Variants in EEF1A1 observed in about 807,000 individuals in gnomAD.
EEF1A1 encodes the protein elongation factor 1-alpha 1.
EEF1A1 carries 1 observed loss-of-function variant against 38.5 expected under a neutral mutation model. The ratio of observed to expected loss-of-function variants is 0.03; its 90% CI spans 0.01 to 0.12. The LOEUF (loss-of-function observed/expected upper bound fraction) is 0.12, where lower values mean the gene tolerates loss of function less well. Among genes scored for constraint, EEF1A1 ranks in the 10% least tolerant of loss-of-function variants. EEF1A1 has a pLI of 1.00. For missense variants in EEF1A1, 184 were observed against 588.3 expected (o/e 0.31, Z 7.11); for synonymous variants, 229 against 203.7 (o/e 1.12, Z -1.06).
chr6:73,519,585 G>A (rs1041440453), intron 2 of EEF1A1, 69 bp from the exon 3 acceptor site: 10 of 1,478,284 alleles, frequency 6.8e-6, no homozygotes, highest in South Asian at 1.3e-5. Flanking sequence ...CTTGTCCCCA[G>A]CCCTTAATTG....
At chr6:73,520,090 C>G in intron 1 of EEF1A1, 34 bp from the exon 2 acceptor site, 1 of 1,550,562 alleles carries the variant, frequency 6.4e-7, no homozygotes, top group Non-Finnish European at 8.6e-7. Flanking sequence ...GAACCACTGT[C>G]TGAGGCTTGA....
In EEF1A1 at chr6:73,519,017, T is replaced by C. The variant is rs754013401; in HGVS notation, c.536A>G (p.Lys179Arg). ...TGTGTCGGGGTTGTAGCCAATTTTC[T>C]TAATGTAAGTGCTGACTTCCTTAAC... is the stretch of plus-strand genomic sequence containing the variant. ...EIVKEVSTYI[K>R]KIGYNPDTVA... is the part of the protein sequence containing the mutation. Residue 179 changes from lysine (K) to arginine (R), a missense_variant, in exon 4 of 8, where the codon AAG becomes AGG. By Grantham distance (26) the Lys-to-Arg change is conservative. This residue lies in a region of EEF1A1 where 57 missense variants were observed against 228.1 expected (regional missense o/e 0.25). Transcript: ENST00000309268. The C allele has an allele frequency of 6.9e-6, 11 of 1,605,664 alleles. No individual in the cohort carries two copies. Among genetic ancestry groups the C allele is most frequent in the Non-Finnish European group, 9.4e-6 (11 of 1,174,616 alleles).
At position 73,519,864 on chromosome 6, in the gene EEF1A1, T is replaced by C. The variant is rs761879548; in HGVS notation, c.144+19A>G. On this transcript the variant is annotated intron_variant, in intron 2 of 7. Coordinates refer to ENST00000309268, the MANE Select transcript of EEF1A1 (RefSeq NM_001402.6). ...AAACTCATTTTAGTTGATCTTTCCC[T>C]TTCTGGTATTAAACATACCTCAGCA... The C allele has an allele frequency of 1.9e-6, 3 of 1,612,232 alleles. No individual in the cohort carries two copies. The highest frequency in any genetic ancestry group is 2.5e-6 in the Non-Finnish European group (3 of 1,179,666).
intron 2 of EEF1A1, 45 bp downstream of exon 2, chr6:73,519,838 A>G (rs1561963438): frequency 1.1e-5 from 18 of 1,609,690 alleles, no homozygotes; most frequent in Non-Finnish European, 1.4e-5. Context: ...TTCTGCTGGT[A>G]AAACTCATTT....
chr6:73,520,529 G>C (rs550547029), intron 1 of EEF1A1: 1 of 152,990 alleles, frequency 6.5e-6, no homozygotes, highest in African/African-American at 2.4e-5. Context: ...AGGCCGGCCA[G>C]CTTGAGACTA....
At position 73,520,041 on chromosome 6, in the gene EEF1A1, G is replaced by C; in HGVS notation, c.-15C>G. ...TCCTTTCCCATTTTGGCTTTTAGGG[G>C]TAGTTTTCACGACACCTGAAATGGA... On this transcript the variant is annotated 5_prime_UTR_variant, in exon 2 of 8. Coordinates refer to ENST00000309268, the MANE Select transcript of EEF1A1 (RefSeq NM_001402.6). 6.3e-7 allele frequency: 1 copy of C among 1,587,952 alleles called. No homozygotes were observed. The highest frequency in any genetic ancestry group is 1.8e-5 in the Admixed American group (1 of 57,128).
At position 73,515,971 on chromosome 6, in the gene EEF1A1, G is replaced by A. The variant is rs548244542; in HGVS notation, c.*1839C>T. On this transcript the variant is annotated 3_prime_UTR_variant, in exon 8 of 8. Transcript: ENST00000309268. ...GAATTCTCTACTGGTAAATCTTACAGGTGTCAACTTTCATTATCAGGGCAT... is the reference window on the plus strand; with the variant it reads ...GAATTCTCTACTGGTAAATCTTACAAGTGTCAACTTTCATTATCAGGGCAT... 6.6e-6 allele frequency: 1 copy of A among 152,262 alleles called. No homozygotes were observed. Among genetic ancestry groups the A allele is most frequent in the African/African-American group, 2.4e-5 (1 of 41,522 alleles). 9.4% of individuals were successfully genotyped at this position (152,262 alleles called of 1,614,324 possible).
chr6:73,519,805 G>A (rs1765607255), intron 2 of EEF1A1, 78 bp downstream of exon 2: 1 of 1,587,816 alleles, frequency 6.3e-7, no homozygotes, highest in Admixed American at 1.7e-5. Context: ...CCACTCACTA[G>A]TTCTGGGGAA....
At position 73,518,628 on chromosome 6, in the gene EEF1A1, A is replaced by AT; in HGVS notation, c.773-19dup. The AT allele has an allele frequency of 6.2e-7, 1 of 1,613,090 alleles. No individual in the cohort carries two copies. The highest frequency in any genetic ancestry group is 1.3e-5 in the African/African-American group (1 of 74,988). ...ACCAATACCTAAAAATATTTACAGC[A>AT]TACTAAATACCTATGAAGGCAGACA... On this transcript the variant is annotated intron_variant, in intron 5 of 7. Coordinates refer to ENST00000309268, the MANE Select transcript of EEF1A1 (RefSeq NM_001402.6).
In EEF1A1 at chr6:73,518,283, A is replaced by T. The variant is rs1874229; in HGVS notation, c.1030-19T>A. On this transcript the variant is annotated intron_variant, in intron 6 of 7. Coordinates refer to ENST00000309268, the MANE Select transcript of EEF1A1 (RefSeq NM_001402.6). Reference sequence around the variant, plus strand: ...TAATCACCTTGGAAAAAAGATTTGCATTCAGTGCAAATCCAAAGTCTCAAA... The same window carrying T: ...TAATCACCTTGGAAAAAAGATTTGCTTTCAGTGCAAATCCAAAGTCTCAAA... 1.2e-6 allele frequency: 2 copies of T among 1,612,684 alleles called. No individual in the cohort carries two copies. Among genetic ancestry groups the T allele is most frequent in the South Asian group, 2.2e-5 (2 of 91,068 alleles).
Position 73,518,546 on chromosome 6 carries a change from G to A in EEF1A1, c.837C>T (p.Thr279=). 1 of 1,613,932 alleles carries A rather than the reference G, an allele frequency of 6.2e-7. No homozygotes were observed. The highest frequency in any genetic ancestry group is 8.5e-7 in the Non-Finnish European group (1 of 1,179,846). The change falls in exon 6 of 8, where the codon ACC becomes ACT. Residue 279 remains threonine (T), a synonymous_variant. Coordinates refer to ENST00000309268, the MANE Select transcript of EEF1A1 (RefSeq NM_001402.6). Reference sequence around the variant, plus strand: ...CCGTTGTAACGTTGACTGGAGCAAAGGTGACCACCATACCGGGTTTGAGAA... The same window carrying A: ...CCGTTGTAACGTTGACTGGAGCAAAAGTGACCACCATACCGGGTTTGAGAA... The part of the protein sequence containing the change: ...TGVLKPGMVV[T]FAPVNVTTEV...
intron 1 of EEF1A1, 120 bp downstream of exon 1, chr6:73,520,880 A>G (rs1332566485): frequency 1.3e-5 from 2 of 152,258 alleles, no homozygotes; most frequent in Non-Finnish European, 2.9e-5. Flanking sequence ...CCCACTTCCA[A>G]CCCGAAGCTC....
At chr6:73,520,108 C>T (rs1765614890) in intron 1 of EEF1A1, 52 bp from the exon 2 acceptor site, 2 of 1,512,728 alleles carry the variant, frequency 1.3e-6, no homozygotes, top group Non-Finnish European at 8.8e-7. Context: ...TGAGAATGAA[C>T]CAAGATCCAA....
At position 73,518,250 on chromosome 6, in the gene EEF1A1, G is replaced by A. The variant is rs190893068; in HGVS notation, c.1044C>T (p.Asn348=). The part of the protein sequence containing the change: ...AGFTAQVIIL[N]HPGQISAGYA... ...AGCCGGCGCTTATTTGGCCTGGATGGTTCAGGATAATCACCTTGGAAAAAA... is the reference window on the plus strand; with the variant it reads ...AGCCGGCGCTTATTTGGCCTGGATGATTCAGGATAATCACCTTGGAAAAAA... The change falls in exon 7 of 8, where the codon AAC becomes AAT. Residue 348 remains asparagine (N), a synonymous_variant. Coordinates refer to ENST00000309268, the MANE Select transcript of EEF1A1 (RefSeq NM_001402.6). 1.3e-6 allele frequency: 2 copies of A among 1,597,970 alleles called. No individual in the cohort carries two copies. The highest frequency in any genetic ancestry group is 1.7e-6 in the Non-Finnish European group (2 of 1,167,058).
intron 1 of EEF1A1, 104 bp downstream of exon 1, chr6:73,520,896 C>T (rs146910786): frequency 6.5e-6 from 1 of 152,800 alleles, no homozygotes; most frequent in East Asian, 1.9e-4. Flanking sequence ...AGCTCGGGAT[C>T]AAGAATCACG....
At chr6:73,520,244 G>C (rs1049632771) in intron 1 of EEF1A1, 188 bp from the exon 2 acceptor site, 12 of 530,034 alleles carry the variant, frequency 2.3e-5, no homozygotes, top group Middle Eastern at 5.0e-4. Flanking sequence ...TAAAGACGAC[G>C]TACTCCAAAA....
rs756736257 is a variant in EEF1A1, at chr6:73,518,282, C to T, written c.1030-18G>A. The T allele has an allele frequency of 7.4e-6, 12 of 1,611,200 alleles. No homozygotes were observed. Among genetic ancestry groups the T allele is most frequent in the African/African-American group, 2.7e-5 (2 of 74,946 alleles). ...ATAATCACCTTGGAAAAAAGATTTG[C>T]ATTCAGTGCAAATCCAAAGTCTCAA... On this transcript the variant is annotated intron_variant, in intron 6 of 7. Transcript: ENST00000309268.
At chr6:73,520,238 G>C in intron 1 of EEF1A1, 182 bp from the exon 2 acceptor site, 2 of 544,674 alleles carry the variant, frequency 3.7e-6, no homozygotes, top group Non-Finnish European at 3.1e-6. Context: ...CCAACCTAAA[G>C]ACGACGTACT....
rs143955203 is a variant in EEF1A1, at chr6:73,518,009, C to T, written c.1264+21G>A. The T allele has an allele frequency of 4.3e-4, 699 of 1,608,132 alleles. 6 individuals are homozygous for T. The East Asian group carries it at 0.012, about 27-fold the overall frequency. ...TTTCATCTTTAACACAACTTTTTTA[C>T]ATTTAAGTAGTCATCCTTACCCAAA... is the stretch of plus-strand genomic sequence containing the variant. On this transcript the variant is annotated intron_variant, in intron 7 of 7. Transcript: ENST00000309268.
Sources: gnomAD v4.1 joint callset for allele counts on GRCh38, gnomAD v4.1.1 for gene constraint, gnomAD v4.1.1 regional missense constraint, MANE v1.5 for transcripts, NCBI Gene and HGNC (gene_info 2026-07-23, HGNC 2026-07-21) for gene names.